The following CSF2RB variants were observed in gnomAD, a reference collection of about 807,000 sequenced individuals.
CSF2RB encodes the protein cytokine receptor common subunit beta.
Under a neutral mutation model 67.2 loss-of-function variants are expected in CSF2RB, and 22 were observed. The ratio of observed to expected loss-of-function variants is 0.33; its 90% confidence interval spans 0.23 to 0.47. The LOEUF is 0.47. Among genes scored for constraint, CSF2RB ranks in the 20% least tolerant of loss-of-function variants. CSF2RB has a pLI of 1.00. For synonymous variants in CSF2RB, 507 were observed against 482.9 expected (o/e 1.05, Z -0.65); for missense variants, 1,113 against 1,174.5 (o/e 0.95, Z 0.76).
intron 9 of CSF2RB, 97 bp downstream of exon 9, chr22:36,933,001 G>A (rs762812641): frequency 4.7e-6 from 7 of 1,494,410 alleles, no homozygotes; most frequent in Non-Finnish European, 6.4e-6. Flanking sequence ...CGGGCCCTTG[G>A]CAGGTGACCA....
In CSF2RB at chr22:36,932,880, C is replaced by T. The variant is rs751541237; in HGVS notation, c.1128C>T (p.Tyr376=). The T allele has an allele frequency of 1.2e-5, 20 of 1,613,988 alleles. No individual in the cohort carries two copies. The South Asian group carries it at 2.1e-4, about 17-fold the overall frequency. The stretch of plus-strand genomic sequence containing the variant: ...TAGACCACACATTTGAGATCCAGTA[C>T]AGGAAAGACACGGCCACGTGGAAGG... ...EHIDHTFEIQ[Y]RKDTATWKDS... The change falls in exon 9 of 14, where the codon TAC becomes TAT. Residue 376 remains tyrosine, a synonymous_variant. Coordinates refer to ENST00000403662, the MANE Select transcript of CSF2RB (RefSeq NM_000395.3).
chr22:36,932,217 G>A (rs147016894), intron 8 of CSF2RB, among the ~76,000 whole-genome samples: 26 of 152,234 alleles, frequency 1.7e-4, no homozygotes, highest in East Asian at 9.7e-4. Flanking sequence ...TGTGGATCAC[G>A]TGAGGTCAGG....
intron 1 of CSF2RB, 52 bp from the exon 2 acceptor site, chr22:36,921,984 T>G: frequency 1.7e-6 from 1 of 597,338 alleles, no homozygotes; most frequent in Non-Finnish European, 3.0e-6. Flanking sequence ...GCGGTGTCCC[T>G]GGGACACGTG....
intron 1 of CSF2RB, among the ~76,000 whole-genome samples, chr22:36,917,223 A>T (rs141573264): frequency 1.3e-5 from 2 of 152,164 alleles, no homozygotes; most frequent in Non-Finnish European, 2.9e-5. Context: ...TGTTTGAATC[A>T]TAAATAGGTT....
intron 1 of CSF2RB, among the ~76,000 whole-genome samples, chr22:36,915,291 G>A (rs1276487876): frequency 1.3e-5 from 2 of 152,020 alleles, no homozygotes; most frequent in South Asian, 4.1e-4. Context: ...CACCATATTG[G>A]CCAGGCTGGT....
At chr22:36,926,497 T>G (rs954559054) in intron 4 of CSF2RB, among the ~76,000 whole-genome samples, 3 of 152,250 alleles carry the variant, frequency 2.0e-5, no homozygotes, top group African/African-American at 7.2e-5. Flanking sequence ...CGCTTAGTTG[T>G]TTCATCTCAT....
chr22:36,925,148 A>G (rs1202033791), intron 3 of CSF2RB, among the ~76,000 whole-genome samples: 1 of 152,196 alleles, frequency 6.6e-6, no homozygotes, highest in African/African-American at 2.4e-5. Flanking sequence ...CTCAAACTAA[A>G]CAACAGGGAG....
At chr22:36,925,797 G>T (rs1023319401) in intron 3 of CSF2RB, among the ~76,000 whole-genome samples, 190 bp from the exon 4 acceptor site, 1 of 152,110 alleles carries the variant, frequency 6.6e-6, no homozygotes, top group African/African-American at 2.4e-5. Context: ...CACTGCACAC[G>T]CTACACACTT....
intron 4 of CSF2RB, 108 bp downstream of exon 4, chr22:36,926,285 G>A: frequency 8.6e-7 from 1 of 1,157,494 alleles, no homozygotes; most frequent in Non-Finnish European, 1.3e-6. Context: ...CTTGGGGTTG[G>A]GTGAGGGTTT....
At position 36,930,811 on chromosome 22, in the gene CSF2RB, C is replaced by T. The variant is rs1941134392; in HGVS notation, c.993C>T (p.His331=). The change falls in exon 8 of 14, where the codon CAC becomes CAT. Residue 331 remains histidine (H), a synonymous_variant. Transcript: ENST00000403662. The stretch of plus-strand genomic sequence containing the variant: ...TTCAGCCAAGGAGGGCAGAGAAACA[C>T]ATAAAGAGCTCAGTGAACAGTGAGT... The part of the protein sequence containing the change: ...VSVQPRRAEK[H]IKSSVNIQMA... 3 of 1,614,170 alleles carry T rather than the reference C, an allele frequency of 1.9e-6. No individual in the cohort carries two copies. Among genetic ancestry groups the T allele is most frequent in the African/African-American group, 1.3e-5 (1 of 75,040 alleles).
intron 9 of CSF2RB, 67 bp from the exon 10 acceptor site, chr22:36,933,765 G>A (rs112059846): frequency 2.2e-5 from 34 of 1,545,692 alleles, no homozygotes; most frequent in Non-Finnish European, 2.8e-5. Context: ...GAGGGTCCAG[G>A]TGGGAGGGAT....
chr22:36,925,419 A>G (rs1036261466), intron 3 of CSF2RB, among the ~76,000 whole-genome samples: 6 of 152,190 alleles, frequency 3.9e-5, no homozygotes, highest in South Asian at 2.1e-4. Context: ...CAAAGCATTT[A>G]TCAAAATCTA....
chr22:36,934,077 C>T lies in CSF2RB; in HGVS notation c.1315+83C>T, dbSNP rs975554980. On this transcript the variant is annotated intron_variant, in intron 10 of 13. Transcript: ENST00000403662. ...GCCAGAAAATCCCCAATGCAGCAGC[C>T]GTAGCAGGCCTGCAACAACTTGTAG... The T allele has an allele frequency of 5.8e-6, 9 of 1,545,630 alleles. No homozygotes were observed. In the African/African-American group the frequency reaches 6.8e-5, roughly 12 times the overall value.
Position 36,939,138 on chromosome 22 carries a change from G to A in CSF2RB, c.*636G>A, listed in dbSNP as rs577830884. On this transcript the variant is annotated 3_prime_UTR_variant, in exon 14 of 14. Transcript: ENST00000403662. Reference sequence around the variant, plus strand: ...TGGGCATGGTATTGGGGGTCGGGGGGGCGGTGCAAGGGACGCACATGAGAG... The same window carrying A: ...TGGGCATGGTATTGGGGGTCGGGGGAGCGGTGCAAGGGACGCACATGAGAG... The A allele has an allele frequency of 1.6e-5, 11 of 702,156 alleles. No individual in the cohort carries two copies. The highest frequency in any genetic ancestry group is 1.4e-4 in the African/African-American group (8 of 57,180). The allele number at this position is 702,156 out of a possible 1,614,324, so 43.5% of individuals were successfully genotyped here. A position where few individuals can be genotyped will look rare whatever the true frequency, so the allele number is the denominator to read the frequency against.
At chr22:36,933,642 C>T (rs1314576919) in intron 9 of CSF2RB, among the ~76,000 whole-genome samples, 190 bp from the exon 10 acceptor site, 1 of 152,184 alleles carries the variant, frequency 6.6e-6, no homozygotes, top group African/African-American at 2.4e-5. Context: ...GGTGGAGTCC[C>T]CGGTGCCATC....
At chr22:36,933,530 G>T (rs1941202898) in intron 9 of CSF2RB, among the ~76,000 whole-genome samples, 2 of 152,226 alleles carry the variant, frequency 1.3e-5, no homozygotes, top group South Asian at 2.1e-4. Flanking sequence ...GGTGCAAGCT[G>T]CCCCAGAAGG....
rs1343254280 is a variant in CSF2RB, at chr22:36,936,537, C to T, written c.1465-12C>T. On this transcript the variant is annotated splice_polypyrimidine_tract_variant and intron_variant, in intron 12 of 13. Coordinates refer to ENST00000403662, the MANE Select transcript of CSF2RB (RefSeq NM_000395.3). ...CTGATGCTCACCGGCCCAAATGTCT[C>T]TGCTCTTGCAGAACGGGAGCGCAGA... The T allele has an allele frequency of 9.3e-6, 15 of 1,612,368 alleles. No homozygotes were observed. The highest frequency in any genetic ancestry group is 1.3e-5 in the Non-Finnish European group (15 of 1,179,908).
intron 1 of CSF2RB, among the ~76,000 whole-genome samples, chr22:36,916,519 A>G (rs2413436): frequency 0.43 from 64,949 of 152,034 alleles, 16,385 homozygotes; most frequent in Admixed American, 0.58. Flanking sequence ...TATTTTTCTA[A>G]CGAATGGAGC....
chr22:36,932,962 C>T (rs1223976916), intron 9 of CSF2RB, 58 bp downstream of exon 9: 1 of 1,603,334 alleles, frequency 6.2e-7, no homozygotes, highest in Non-Finnish European at 8.5e-7. Context: ...GAAGGGAAAG[C>T]AACCAGAGGC....
Sources: allele counts gnomAD v4.1 joint callset (sites outside exome capture counted in the v4.1 genomes callset), GRCh38; gene constraint gnomAD v4.1.1; transcripts MANE v1.5; gene names NCBI Gene and HGNC (gene_info 2026-07-23, HGNC 2026-07-21).